Variants in PCDHGA1 observed in about 807,000 individuals in gnomAD.
PCDHGA1 encodes protocadherin gamma-A1.
Under a neutral mutation model 58.0 loss-of-function variants are expected in PCDHGA1, and 32 were observed. That is an observed-to-expected ratio of 0.55 (90% CI 0.42 to 0.74). The LOEUF (loss-of-function observed/expected upper bound fraction) is 0.74. Ranked by LOEUF, PCDHGA1 falls within the 30% of genes least tolerant of loss-of-function variation. The pLI, the probability that PCDHGA1 is intolerant of heterozygous loss-of-function variation, is 0.00. For missense variants in PCDHGA1, 1,205 were observed against 1,182.3 expected (o/e 1.02, Z -0.28); for synonymous variants, 498 against 501.1 (o/e 0.99, Z 0.08).
chr5:141,395,420 T>A, intron 1 of PCDHGA1: 1 of 771,734 alleles, frequency 1.3e-6, no homozygotes, highest in Non-Finnish European at 2.0e-6. Flanking sequence ...ATTGTTTCAT[T>A]TGCTTTTAAA....
chr5:141,425,587 T>G (rs2096884432), intron 1 of PCDHGA1, among the ~76,000 whole-genome samples: 2 of 152,226 alleles, frequency 1.3e-5, no homozygotes. Flanking sequence ...CTAACTTTAT[T>G]CTGAATATGC....
At chr5:141,414,918 G>A (rs1316323072) in intron 1 of PCDHGA1, 2 of 1,614,180 alleles carry the variant, frequency 1.2e-6, no homozygotes, top group Admixed American at 3.3e-5. Flanking sequence ...GCGTGGAGCT[G>A]GCGCCCCGCT....
chr5:141,349,800 T>TA (rs1242552516), intron 1 of PCDHGA1, among the ~76,000 whole-genome samples: 5 of 152,168 alleles, frequency 3.3e-5, no homozygotes, highest in Non-Finnish European at 7.3e-5. Flanking sequence ...GATTTTTTTT[T>TA]ACCCCCAAAA....
intron 1 of PCDHGA1, among the ~76,000 whole-genome samples, chr5:141,469,568 T>C (rs942597017): frequency 6.6e-6 from 1 of 152,184 alleles, no homozygotes. Flanking sequence ...AGTGAGACTC[T>C]GTCTCTAAAT....
intron 1 of PCDHGA1, chr5:141,414,637 A>G: frequency 5.6e-6 from 9 of 1,613,894 alleles, no homozygotes; most frequent in Non-Finnish European, 6.8e-6. Context: ...CAGCAAAGAG[A>G]ATGCCCAGAT....
In PCDHGA1 at chr5:141,511,445, A is replaced by G; in HGVS notation, c.*272A>G. ...GGTAGTGGGGTTACTGTAGACACCA[A>G]GAACCATTTGCCACACCCCGTTTAG... On this transcript the variant is annotated 3_prime_UTR_variant, in exon 4 of 4. Coordinates refer to ENST00000517417, the MANE Select transcript of PCDHGA1 (RefSeq NM_018912.3). 4.5e-6 allele frequency: 3 copies of G among 659,774 alleles called. No individual in the cohort carries two copies. Among genetic ancestry groups the G allele is most frequent in the Non-Finnish European group, 4.9e-6 (2 of 412,228 alleles). 40.9% of individuals were successfully genotyped at this position (659,774 alleles called of 1,614,324 possible). A position where few individuals can be genotyped will look rare whatever the true frequency, so the allele number is the denominator to read the frequency against.
rs1456451105 is a variant in PCDHGA1 at position 141,477,377 on chromosome 5, C to T, written c.2422-17430C>T. Reference sequence around the variant, plus strand: ...TGCAGACCTGGATCGGGAGACTGTGCCAGAATACAACCTCAGCATCACCGC... The same window carrying T: ...TGCAGACCTGGATCGGGAGACTGTGTCAGAATACAACCTCAGCATCACCGC... On this transcript the variant is annotated intron_variant, in intron 1 of 3. Coordinates refer to ENST00000517417, the MANE Select transcript of PCDHGA1 (RefSeq NM_018912.3). This position sits in a 1 kb window ranked among gnomAD's most constrained non-coding sequence, Gnocchi z 4.9. 1 of 1,614,144 alleles carries T rather than the reference C, an allele frequency of 6.2e-7. No homozygotes were observed. Among genetic ancestry groups the T allele is most frequent in the South Asian group, 1.1e-5 (1 of 91,080 alleles).
At chr5:141,341,134 G>A in intron 1 of PCDHGA1, 1 of 1,614,226 alleles carries the variant, frequency 6.2e-7, no homozygotes, top group Non-Finnish European at 8.5e-7. Context: ...GCTGGCACAA[G>A]TCACGCCTGC....
At position 141,365,522 on chromosome 5, in the gene PCDHGA1, G is replaced by C. The variant is rs771198048; in HGVS notation, c.2421+32417G>C. 5 of 1,613,888 alleles carry C rather than the reference G, an allele frequency of 3.1e-6. No homozygotes were observed. In the South Asian group the frequency reaches 5.5e-5, roughly 18 times the overall value. ...TTTGCCTTTTAAATTGGAGAAGTCAGTTGATAATTACTATCACCTATTAAC... is the reference window on the plus strand; with the variant it reads ...TTTGCCTTTTAAATTGGAGAAGTCACTTGATAATTACTATCACCTATTAAC... On this transcript the variant is annotated intron_variant, in intron 1 of 3. Transcript: ENST00000517417.
chr5:141,416,504 C>CA (rs1467352050), intron 1 of PCDHGA1: 4 of 152,040 alleles, frequency 2.6e-5, no homozygotes, highest in African/African-American at 9.7e-5. Context: ...AGATATATGA[C>CA]AAAGCTATTT....
In PCDHGA1 at chr5:141,491,623, G is replaced by C; in HGVS notation, c.2422-3184G>C. On this transcript the variant is annotated intron_variant, in intron 1 of 3. Coordinates refer to ENST00000517417, the MANE Select transcript of PCDHGA1 (RefSeq NM_018912.3). The surrounding 1 kb of genome is among the most constrained non-coding windows in gnomAD (Gnocchi z 6.9). ...CTTCACTTTTCTAAGACCCCTCAGC[G>C]TTCAGCAGCCCACAGCTCTGGCGCT... 1 of 1,613,930 alleles carries C rather than the reference G, an allele frequency of 6.2e-7. No individual in the cohort carries two copies. Among genetic ancestry groups the C allele is most frequent in the Non-Finnish European group, 8.5e-7 (1 of 1,180,020 alleles).
intron 1 of PCDHGA1, among the ~76,000 whole-genome samples, chr5:141,368,858 A>G (rs1283174672): frequency 6.6e-6 from 1 of 152,158 alleles, no homozygotes; most frequent in Non-Finnish European, 1.5e-5. Context: ...TTGCTTTGGA[A>G]TGTTTTGGAG....
chr5:141,340,981 C>T (rs1420684731), intron 1 of PCDHGA1: 1 of 1,613,844 alleles, frequency 6.2e-7, no homozygotes, highest in East Asian at 2.2e-5. Context: ...GGATCCCCGA[C>T]ATCCTGGCCG....
intron 1 of PCDHGA1, chr5:141,478,531 C>G (rs771145308): frequency 1.2e-6 from 2 of 1,608,190 alleles, no homozygotes; most frequent in East Asian, 2.2e-5. Context: ...GTGCAGAGAG[C>G]GCCCCTCCCG....
chr5:141,416,063 A>G (rs546746824), intron 1 of PCDHGA1: 201 of 176,914 alleles, frequency 1.1e-3, no homozygotes, highest in Non-Finnish European at 1.8e-3. Flanking sequence ...ATCCAAGAAT[A>G]CTCAATGCAG....
chr5:141,433,091 A>G (rs1344906248), intron 1 of PCDHGA1: 2 of 1,614,182 alleles, frequency 1.2e-6, no homozygotes, highest in African/African-American at 1.3e-5. Flanking sequence ...CTATGCAGAC[A>G]TGCTCGTCAG....
chr5:141,496,284 G>A (rs1052943936), intron 2 of PCDHGA1, among the ~76,000 whole-genome samples: 6 of 152,210 alleles, frequency 3.9e-5, no homozygotes, highest in Admixed American at 1.3e-4. Context: ...CAGTTGGTCT[G>A]AGCAGAGTGG....
At chr5:141,389,681 C>G in intron 1 of PCDHGA1, 5 of 1,612,438 alleles carry the variant, frequency 3.1e-6, no homozygotes, top group Non-Finnish European at 4.2e-6. Context: ...CAGGACACAA[C>G]GCCTGGCTGT....
intron 1 of PCDHGA1, chr5:141,372,455 G>A: frequency 6.2e-7 from 1 of 1,614,060 alleles, no homozygotes; most frequent in South Asian, 1.1e-5. Flanking sequence ...CTCAGGCGGA[G>A]CTACAGTTTC....
Sources: allele counts gnomAD v4.1 joint callset (sites outside exome capture counted in the v4.1 genomes callset), GRCh38; gene constraint gnomAD v4.1.1; non-coding constraint Gnocchi (gnomAD v3.1); transcripts MANE v1.5; gene names NCBI Gene and HGNC (gene_info 2026-07-23, HGNC 2026-07-21).